Variants in PIAS2 observed in about 807,000 individuals in gnomAD.
The protein encoded by PIAS2 is protein inhibitor of activated STAT 2, also known as E3 SUMO-protein ligase PIAS2.
In PIAS2, 19 loss-of-function variants were observed where a neutral mutation model predicts 69.7. The ratio of observed to expected loss-of-function variants is 0.27; its 90% CI spans 0.19 to 0.40. The LOEUF is 0.40. Ranked by LOEUF, PIAS2 falls within the 10% of genes least tolerant of loss-of-function variation. PIAS2 has a pLI of 1.00. For synonymous variants in PIAS2, 261 were observed against 263.2 expected (o/e 0.99, Z 0.08); for missense variants, 624 against 757.0 (o/e 0.82, Z 2.06).
intron 9 of PIAS2, among the ~76,000 whole-genome samples, chr18:46,831,866 G>GA (rs1213375829): frequency 6.6e-6 from 1 of 152,062 alleles, no homozygotes; most frequent in Non-Finnish European, 1.5e-5. Context: ...AGGAAGCTCA[G>GA]AAAAAATATT....
intron 11 of PIAS2, 135 bp downstream of exon 11, chr18:46,827,824 A>G: frequency 1.4e-6 from 1 of 713,374 alleles, no homozygotes; most frequent in Middle Eastern, 4.1e-4. Context: ...TTACTCGAAA[A>G]TATTTCAACT....
intron 1 of PIAS2, chr18:46,907,906 T>C (rs988696765): frequency 1.1e-4 from 16 of 152,116 alleles, no homozygotes; most frequent in African/African-American, 2.9e-4. Flanking sequence ...GTTCCATTTA[T>C]ATAAAGTTCA....
At chr18:46,846,331 C>T (rs536255856) in intron 6 of PIAS2, 1 of 156,588 alleles carries the variant, frequency 6.4e-6, no homozygotes, top group South Asian at 2.0e-4. Flanking sequence ...AACATGTGTA[C>T]ATTTAACCAT....
chr18:46,841,644 A>G (rs1473884121), intron 8 of PIAS2, among the ~76,000 whole-genome samples: 1 of 152,220 alleles, frequency 6.6e-6, no homozygotes, highest in African/African-American at 2.4e-5. Flanking sequence ...ACTATAGCCC[A>G]AAGAGTAGCA....
intron 12 of PIAS2, 54 bp from the exon 13 acceptor site, chr18:46,815,403 T>C: frequency 6.2e-7 from 1 of 1,606,888 alleles, no homozygotes; most frequent in Non-Finnish European, 8.5e-7. Context: ...AGACCAGAAT[T>C]ATTTCCCTAA....
intron 1 of PIAS2, among the ~76,000 whole-genome samples, chr18:46,895,536 T>G (rs1478528673): frequency 6.6e-6 from 1 of 152,018 alleles, no homozygotes; most frequent in Non-Finnish European, 1.5e-5. Context: ...CCGGGTGTGG[T>G]GTCTCGCACC....
intron 1 of PIAS2, among the ~76,000 whole-genome samples, chr18:46,895,251 T>C (rs1228606154): frequency 6.6e-6 from 1 of 151,948 alleles, no homozygotes; most frequent in Non-Finnish European, 1.5e-5. Flanking sequence ...ATGGTAAAGG[T>C]CAATAAGAAC....
chr18:46,828,789 AC>A (rs879652385), intron 10 of PIAS2, among the ~76,000 whole-genome samples: 15 of 152,210 alleles, frequency 9.9e-5, no homozygotes, highest in Admixed American at 9.8e-4. Flanking sequence ...ATATTTGTTA[AC>A]TCACATTTTC....
chr18:46,803,326 A>G lies in PIAS2; in HGVS notation c.*9107T>C, dbSNP rs935797891. On this transcript the variant is annotated 3_prime_UTR_variant, in exon 14 of 14. Coordinates refer to ENST00000585916, the MANE Select transcript of PIAS2 (RefSeq NM_004671.5). ...AATGAAAGTTTTTTAAAAAATGGAT[A>G]CTTACTTTTTTAGGTTGTATCAGCA... 5 of 152,150 alleles carry G rather than the reference A, an allele frequency of 3.3e-5. No individual in the cohort carries two copies. Among genetic ancestry groups the G allele is most frequent in the African/African-American group, 1.2e-4 (5 of 41,436 alleles). 9.4% of individuals were successfully genotyped at this position (152,150 alleles called of 1,614,324 possible). A position where few individuals can be genotyped will look rare whatever the true frequency, so the allele number is the denominator to read the frequency against.
intron 1 of PIAS2, among the ~76,000 whole-genome samples, chr18:46,901,745 C>T (rs1488426794): frequency 6.6e-6 from 1 of 152,104 alleles, no homozygotes; most frequent in African/African-American, 2.4e-5. Flanking sequence ...TTTAAAAACC[C>T]TCAAAAACAA....
intron 1 of PIAS2, among the ~76,000 whole-genome samples, chr18:46,902,982 T>C (rs2056112350): frequency 6.6e-6 from 1 of 152,342 alleles, no homozygotes; most frequent in South Asian, 2.1e-4. Flanking sequence ...CCTTTCAATA[T>C]ATGGTGCTGG....
At chr18:46,878,869 T>TA (rs753478270) in intron 2 of PIAS2, among the ~76,000 whole-genome samples, 14 of 152,254 alleles carry the variant, frequency 9.2e-5, no homozygotes, top group African/African-American at 3.4e-4. Flanking sequence ...ACTCCGTCTA[T>TA]AAAAAACAAA....
intron 12 of PIAS2, among the ~76,000 whole-genome samples, chr18:46,819,217 T>G (rs1364533621): frequency 6.6e-6 from 1 of 152,094 alleles, no homozygotes. Flanking sequence ...TGAGATGACA[T>G]GCAGACACTC....
At chr18:46,849,052 A>C (rs770401467) in intron 5 of PIAS2, among the ~76,000 whole-genome samples, 1 of 152,146 alleles carries the variant, frequency 6.6e-6, no homozygotes, top group Non-Finnish European at 1.5e-5. Context: ...AAATAAAAAT[A>C]ATGTTACAGG....
intron 1 of PIAS2, among the ~76,000 whole-genome samples, chr18:46,906,579 T>C (rs568170329): frequency 6.6e-6 from 1 of 152,266 alleles, no homozygotes; most frequent in East Asian, 1.9e-4. Context: ...GAAATAAATC[T>C]AACAAAATAT....
intron 1 of PIAS2, among the ~76,000 whole-genome samples, chr18:46,901,860 G>C (rs1380867790): frequency 6.6e-6 from 1 of 152,032 alleles, no homozygotes; most frequent in Non-Finnish European, 1.5e-5. Context: ...TCTAATATTG[G>C]GACTGAGGCA....
chr18:46,864,889 T>C (rs1283493308), intron 2 of PIAS2, among the ~76,000 whole-genome samples: 1 of 152,174 alleles, frequency 6.6e-6, no homozygotes, highest in African/African-American at 2.4e-5. Flanking sequence ...CCAGGAGAAC[T>C]GTATTCAAGA....
At chr18:46,905,483 G>A (rs2056475786) in intron 1 of PIAS2, among the ~76,000 whole-genome samples, 1 of 151,706 alleles carries the variant, frequency 6.6e-6, no homozygotes. Context: ...AAGAAAAGAA[G>A]AGCAAAAATT....
At chr18:46,897,601 G>T (rs1357290953) in intron 1 of PIAS2, among the ~76,000 whole-genome samples, 1 of 152,132 alleles carries the variant, frequency 6.6e-6, no homozygotes. Flanking sequence ...AATGCAAACA[G>T]ATTTTTGGTT....
Sources: gnomAD v4.1 joint callset for allele counts (sites outside exome capture counted in the v4.1 genomes callset) on GRCh38, gnomAD v4.1.1 for gene constraint, MANE v1.5 for transcripts, NCBI Gene and HGNC (gene_info 2026-07-23, HGNC 2026-07-21) for gene names.